The following CABCOCO1 variants were observed in gnomAD, a reference collection of about 807,000 sequenced individuals.
CABCOCO1 encodes ciliary-associated calcium-binding coiled-coil protein 1.
A neutral mutation model predicts 35.7 loss-of-function variants in CABCOCO1; 28 were observed. The ratio of observed to expected loss-of-function variants is 0.78; its 90% CI spans 0.58 to 1.07. The LOEUF (loss-of-function observed/expected upper bound fraction) is 1.07, where lower values mean the gene tolerates loss of function less well. Ranked by LOEUF, CABCOCO1 falls within the 50% of genes least tolerant of loss-of-function variation. CABCOCO1 has a pLI of 0.00. For missense variants in CABCOCO1, 326 were observed against 309.2 expected, an observed-to-expected ratio of 1.05 and a Z score of -0.41; for synonymous variants, 95 against 100.1, an observed-to-expected ratio of 0.95 and a Z score of 0.30.
At chr10:61,727,534 A>C (rs1784637326) in intron 5 of CABCOCO1, among the ~76,000 whole-genome samples, 1 of 152,200 alleles carries the variant, frequency 6.6e-6, no homozygotes, top group Non-Finnish European at 1.5e-5. Flanking sequence ...AGAAAAAACT[A>C]GAAATGTCTG....
At chr10:61,669,020 G>GGAAAAAAAAAAAAAA (rs1455258314) in intron 1 of CABCOCO1, among the ~76,000 whole-genome samples, 4 of 102,480 alleles carry the variant, frequency 3.9e-5, no homozygotes, top group Non-Finnish European at 4.3e-5. Flanking sequence ...AAGGGTTGGG[G>GGAAAAAAAAAAAAAA]AAAAAAAAAA....
chr10:61,724,523 T>G (rs1841097244), intron 5 of CABCOCO1, among the ~76,000 whole-genome samples: 2 of 152,110 alleles, frequency 1.3e-5, no homozygotes, highest in Non-Finnish European at 2.9e-5. Flanking sequence ...ATGATTGAAA[T>G]ATGGAAAATG....
intron 5 of CABCOCO1, among the ~76,000 whole-genome samples, chr10:61,696,090 C>G (rs1285157744): frequency 6.6e-6 from 1 of 152,016 alleles, no homozygotes; most frequent in Non-Finnish European, 1.5e-5. Flanking sequence ...ATGTGTTGCA[C>G]AAAATGTTTT....
At chr10:61,727,956 C>G (rs570323897) in intron 5 of CABCOCO1, among the ~76,000 whole-genome samples, 2 of 152,278 alleles carry the variant, frequency 1.3e-5, no homozygotes, top group South Asian at 4.1e-4. Flanking sequence ...AGTGTTTTAT[C>G]AATGCCTGTA....
At chr10:61,677,511 A>G (rs543583818) in intron 2 of CABCOCO1, among the ~76,000 whole-genome samples, 1 of 150,164 alleles carries the variant, frequency 6.7e-6, no homozygotes, top group Non-Finnish European at 1.5e-5. Flanking sequence ...GTTCATTACC[A>G]TTTTTTTTCC....
intron 5 of CABCOCO1, among the ~76,000 whole-genome samples, chr10:61,720,395 CTCAG>C (rs1420442755): frequency 6.6e-6 from 1 of 152,140 alleles, no homozygotes; most frequent in African/African-American, 2.4e-5. Flanking sequence ...GAATTACATA[CTCAG>C]TCAAACTGGC....
In CABCOCO1 at chr10:61,662,968, C is replaced by T. The variant is rs767131134; in HGVS notation, c.-5C>T. On this transcript the variant is annotated 5_prime_UTR_variant, in exon 1 of 8. Coordinates refer to ENST00000648843, the MANE Select transcript of CABCOCO1 (RefSeq NM_001366906.2). The stretch of plus-strand genomic sequence containing the variant: ...GGGCCGCTTCTCTCGGCCGAGATTG[C>T]GGCGATGTCGCAGGGGACGACTCCC... 1 of 356,844 alleles carries T rather than the reference C, an allele frequency of 2.8e-6. No individual in the cohort carries two copies. Among genetic ancestry groups the T allele is most frequent in the Non-Finnish European group, 5.8e-6 (1 of 173,666 alleles). The allele number at this position is 356,844 out of a possible 1,614,324, so 22.1% of individuals were successfully genotyped here.
At chr10:61,760,310 C>T in intron 6 of CABCOCO1, 129 bp downstream of exon 6, 1 of 1,270,906 alleles carries the variant, frequency 7.9e-7, no homozygotes, top group Non-Finnish European at 1.1e-6. Context: ...ACAAATATTT[C>T]TCTAAGTGTT....
chr10:61,681,459 C>A, intron 3 of CABCOCO1, 147 bp downstream of exon 3: 1 of 566,242 alleles, frequency 1.8e-6, no homozygotes, highest in Non-Finnish European at 2.9e-6. Flanking sequence ...TAGTTCCTAT[C>A]TCCATTGAGT....
chr10:61,680,467 A>ATGTT (rs1333574091), intron 2 of CABCOCO1, among the ~76,000 whole-genome samples: 6,828 of 46,540 alleles, frequency 0.15, 402 homozygotes, highest in African/African-American at 0.17. Context: ...TAACATATAT[A>ATGTT]ATATATATTT....
intron 5 of CABCOCO1, among the ~76,000 whole-genome samples, chr10:61,738,618 A>G (rs2132064028): frequency 6.6e-6 from 1 of 152,300 alleles, no homozygotes; most frequent in African/African-American, 2.4e-5. Context: ...CCTCTATTAT[A>G]ACATATTTTG....
At position 61,690,592 on chromosome 10, in the gene CABCOCO1, G is replaced by A; in HGVS notation, c.523G>A (p.Ala175Thr). The change falls in exon 5 of 8, where the codon GCC becomes ACC. Residue 175 changes from alanine to threonine, a missense_variant. Physicochemically the swap from Ala to Thr is moderately conservative, Grantham distance 58. Transcript: ENST00000648843. Reference protein sequence around the residue: ...YKLYEFMFYSAREEIVIGTEQ... With the variant: ...YKLYEFMFYSTREEIVIGTEQ... Reference sequence around the variant, plus strand: ...GCTATACGAGTTTATGTTCTACTCTGCCAGGGAAGAAATTGTGATAGGAAC... The same window carrying A: ...GCTATACGAGTTTATGTTCTACTCTACCAGGGAAGAAATTGTGATAGGAAC... The A allele has an allele frequency of 6.2e-7, 1 of 1,606,272 alleles. No homozygotes were observed. The highest frequency in any genetic ancestry group is 8.5e-7 in the Non-Finnish European group (1 of 1,174,130).
At chr10:61,701,787 T>C in intron 5 of CABCOCO1, 1 of 985,142 alleles carries the variant, frequency 1.0e-6, no homozygotes, top group Non-Finnish European at 1.2e-6. Flanking sequence ...CAAAGGAAAA[T>C]AACCTGGATT....
intron 5 of CABCOCO1, among the ~76,000 whole-genome samples, chr10:61,758,310 G>C (rs1841940208): frequency 6.6e-6 from 1 of 151,982 alleles, no homozygotes; most frequent in Non-Finnish European, 1.5e-5. Flanking sequence ...ATGTTTAGCT[G>C]TCTCCTTTTC....
intron 5 of CABCOCO1, among the ~76,000 whole-genome samples, chr10:61,704,371 A>G (rs1840544227): frequency 6.6e-6 from 1 of 152,198 alleles, no homozygotes; most frequent in South Asian, 2.1e-4. Flanking sequence ...TGAGGCTATA[A>G]AAAACCTGTG....
At chr10:61,663,086 G>C in intron 1 of CABCOCO1, 54 bp downstream of exon 1, 1 of 231,378 alleles carries the variant, frequency 4.3e-6, no homozygotes. Context: ...AGACCTCCGA[G>C]CGCTCATTCC....
intron 5 of CABCOCO1, among the ~76,000 whole-genome samples, chr10:61,735,062 A>G (rs1035451543): frequency 6.6e-6 from 1 of 152,140 alleles, no homozygotes; most frequent in Non-Finnish European, 1.5e-5. Flanking sequence ...CCAGGAATAC[A>G]TAAAGTTCCA....
chr10:61,705,565 C>T (rs1357651276), intron 5 of CABCOCO1, among the ~76,000 whole-genome samples: 2 of 152,098 alleles, frequency 1.3e-5, no homozygotes, highest in Non-Finnish European at 2.9e-5. Context: ...TTAGTAAACC[C>T]ACAGGCACAT....
intron 2 of CABCOCO1, among the ~76,000 whole-genome samples, chr10:61,677,626 T>C (rs1250205685): frequency 2.6e-5 from 4 of 152,020 alleles, no homozygotes; most frequent in Non-Finnish European, 5.9e-5. Flanking sequence ...ACATGTGCCA[T>C]GTTGGTGTGC....
Sources: gnomAD v4.1 joint callset for allele counts (sites outside exome capture counted in the v4.1 genomes callset) on GRCh38, gnomAD v4.1.1 for gene constraint, MANE v1.5 for transcripts, NCBI Gene and HGNC (gene_info 2026-07-23, HGNC 2026-07-21) for gene names.